The following KDM4C variants were observed in gnomAD, a reference collection of about 807,000 sequenced individuals.
KDM4C encodes lysine-specific demethylase 4C.
KDM4C carries 81 observed loss-of-function variants against 129.3 expected under a neutral mutation model. The observed-to-expected ratio is 0.63, with a 90% CI of 0.52 to 0.75. The LOEUF is 0.75. Ranked by LOEUF, KDM4C falls within the 30% of genes least tolerant of loss-of-function variation. The probability of loss-of-function intolerance (pLI) is 0.00; values close to 1 mark genes in which losing one functional copy is unlikely to be tolerated. For synonymous variants in KDM4C, 573 were observed against 456.1 expected, an observed-to-expected ratio of 1.26 and a Z score of -3.26; for missense variants, 1,457 against 1,304.0, an observed-to-expected ratio of 1.12 and a Z score of -1.81.
chr9:7,012,040 T>C (rs1338732154), intron 13 of KDM4C, among the ~76,000 whole-genome samples, 161 bp downstream of exon 13: 1 of 152,202 alleles, frequency 6.6e-6, no homozygotes, highest in Non-Finnish European at 1.5e-5. Flanking sequence ...AGTTTCTACA[T>C]GATCCTTGAG....
chr9:7,000,255 C>G (rs1381079590), intron 12 of KDM4C, among the ~76,000 whole-genome samples: 1 of 152,142 alleles, frequency 6.6e-6, no homozygotes, highest in Non-Finnish European at 1.5e-5. Flanking sequence ...AACCACCTCA[C>G]TTTTATTATG....
chr9:6,840,299 C>T (rs906802589), intron 4 of KDM4C, among the ~76,000 whole-genome samples: 1 of 152,056 alleles, frequency 6.6e-6, no homozygotes, highest in Admixed American at 6.5e-5. Flanking sequence ...TCTTGAACTC[C>T]TGGGCTCAAG....
At chr9:6,722,909 G>A (rs1293932815) in intron 1 of KDM4C, among the ~76,000 whole-genome samples, 2 of 152,122 alleles carry the variant, frequency 1.3e-5, no homozygotes, top group Non-Finnish European at 1.5e-5. Flanking sequence ...CGTGAGCCCA[G>A]GAGGTTGAGG....
intron 19 of KDM4C, among the ~76,000 whole-genome samples, chr9:7,162,755 G>C (rs957546497): frequency 1.3e-5 from 2 of 152,046 alleles, no homozygotes; most frequent in African/African-American, 2.4e-5. Flanking sequence ...AGAAGGGGAG[G>C]CCGTAACTCT....
chr9:6,910,700 A>T (rs968840771), intron 8 of KDM4C, among the ~76,000 whole-genome samples: 1 of 152,218 alleles, frequency 6.6e-6, no homozygotes, highest in Non-Finnish European at 1.5e-5. Context: ...GTGACCCTGC[A>T]TCCACACCTG....
At chr9:7,166,091 T>A (rs1452837853) in intron 20 of KDM4C, among the ~76,000 whole-genome samples, 1 of 152,208 alleles carries the variant, frequency 6.6e-6, no homozygotes, top group East Asian at 1.9e-4. Context: ...TTAGAGCCAA[T>A]ACATTGTAGA....
At chr9:7,118,216 C>T (rs1398106422) in intron 18 of KDM4C, among the ~76,000 whole-genome samples, 3 of 152,218 alleles carry the variant, frequency 2.0e-5, no homozygotes, top group African/African-American at 7.2e-5. Context: ...AAACTGCTTA[C>T]CACCATTTCC....
In KDM4C at chr9:7,133,950, C is replaced by A. The variant is rs1840915877; in HGVS notation, c.2781+5714C>A. Among the ~76,000 whole-genome samples, 3 of 152,174 alleles carry A rather than the reference C, an allele frequency of 2.0e-5. No homozygotes were observed. The South Asian group carries it at 6.2e-4, about 32-fold the overall frequency. On this transcript the variant is annotated intron_variant, in intron 19 of 21. Coordinates refer to ENST00000381309, the MANE Select transcript of KDM4C (RefSeq NM_015061.6). ...TAGATGTTCAGGTCAGGTAGCCATG[C>A]ATATATGGCATTGGCAGATACCCCT...
At chr9:6,801,462 C>T (rs1250711122) in intron 2 of KDM4C, among the ~76,000 whole-genome samples, 3 of 151,168 alleles carry the variant, frequency 2.0e-5, no homozygotes, top group Non-Finnish European at 4.4e-5. Flanking sequence ...TAGTCTGGAT[C>T]TCCTGACATC....
At chr9:7,050,713 G>C (rs543286878) in intron 17 of KDM4C, among the ~76,000 whole-genome samples, 1 of 152,044 alleles carries the variant, frequency 6.6e-6, no homozygotes, top group Non-Finnish European at 1.5e-5. Context: ...CACTGCTCTT[G>C]AGGCTGCCTC....
chr9:6,796,140 C>G (rs1010979825), intron 2 of KDM4C, among the ~76,000 whole-genome samples: 3 of 152,068 alleles, frequency 2.0e-5, no homozygotes, highest in African/African-American at 7.2e-5. Context: ...ATTGGGTTAG[C>G]TCATCAAAAA....
At chr9:6,874,111 T>C (rs1408800332) in intron 5 of KDM4C, among the ~76,000 whole-genome samples, 2 of 152,252 alleles carry the variant, frequency 1.3e-5, no homozygotes, top group South Asian at 4.1e-4. Flanking sequence ...ATAACAGATA[T>C]AATAATGAAA....
intron 3 of KDM4C, 51 bp from the exon 4 acceptor site, chr9:6,814,580 C>A: frequency 8.4e-7 from 1 of 1,188,066 alleles, no homozygotes; most frequent in Non-Finnish European, 1.2e-6. Flanking sequence ...GTGGGAAAAA[C>A]CCTAAAACTG....
At chr9:7,024,120 T>C (rs1410297581) in intron 15 of KDM4C, among the ~76,000 whole-genome samples, 1 of 152,144 alleles carries the variant, frequency 6.6e-6, no homozygotes, top group Non-Finnish European at 1.5e-5. Context: ...TCGTATGAAA[T>C]GTTCTGTAAA....
At chr9:6,851,055 A>G (rs1191595939) in intron 5 of KDM4C, among the ~76,000 whole-genome samples, 1 of 152,176 alleles carries the variant, frequency 6.6e-6, no homozygotes, top group Non-Finnish European at 1.5e-5. Context: ...ACGCCTGGCC[A>G]AATGAAACTT....
intron 12 of KDM4C, among the ~76,000 whole-genome samples, chr9:6,991,350 C>T (rs1255368693): frequency 6.6e-6 from 1 of 152,158 alleles, no homozygotes; most frequent in Non-Finnish European, 1.5e-5. Context: ...CCGCAAAGTG[C>T]TGAGATTATA....
chr9:6,745,661 C>T (rs888691413), intron 1 of KDM4C, among the ~76,000 whole-genome samples: 4 of 151,238 alleles, frequency 2.6e-5, no homozygotes, highest in East Asian at 1.9e-4. Context: ...TTTTTTGAGA[C>T]GGAGTCTCAC....
At chr9:7,155,220 T>C (rs983035944) in intron 19 of KDM4C, among the ~76,000 whole-genome samples, 1 of 152,202 alleles carries the variant, frequency 6.6e-6, no homozygotes, top group African/African-American at 2.4e-5. Context: ...TTCCTGGTGC[T>C]GAACCCAAGG....
At chr9:6,992,458 C>T (rs1280750331) in intron 12 of KDM4C, among the ~76,000 whole-genome samples, 6 of 152,162 alleles carry the variant, frequency 3.9e-5, no homozygotes, top group African/African-American at 1.4e-4. Context: ...ATGTTAAGGA[C>T]CCCTGGTGAC....
Sources: gnomAD v4.1 joint callset for allele counts (sites outside exome capture counted in the v4.1 genomes callset) on GRCh38, gnomAD v4.1.1 for gene constraint, MANE v1.5 for transcripts, NCBI Gene and HGNC (gene_info 2026-07-23, HGNC 2026-07-21) for gene names.